The following DMD variants were observed in gnomAD, a reference collection of about 807,000 sequenced individuals.
DMD encodes the protein mutant dystrophin.
In DMD, 63 loss-of-function variants were observed where a neutral mutation model predicts 330.1. The observed-to-expected ratio is 0.19, with a 90% CI of 0.16 to 0.24. DMD has a LOEUF of 0.24. Ranked by LOEUF, DMD falls within the 10% of genes least tolerant of loss-of-function variation. The pLI, the probability that DMD is intolerant of heterozygous loss-of-function variation, is 1.00. For synonymous variants in DMD, 1,223 were observed against 959.8 expected, an observed-to-expected ratio of 1.27 and a Z score of -5.07; for missense variants, 3,344 against 2,684.1, an observed-to-expected ratio of 1.25 and a Z score of -5.43.
At chrX:33,096,520 T>A (rs1008505684) in intron 1 of DMD, among the ~76,000 whole-genome samples, 2 of 108,907 alleles carry the variant, frequency 1.8e-5, no homozygotes, top group African/African-American at 6.6e-5. Flanking sequence ...TTTTTATTTT[T>A]TTGAGACAGA....
chrX:32,782,594 A>G (rs1351780253), intron 7 of DMD, among the ~76,000 whole-genome samples: 1 of 111,560 alleles, frequency 9.0e-6, no homozygotes, highest in Non-Finnish European at 1.9e-5. Context: ...AACTTGAACT[A>G]TGGTGGTGGT....
At chrX:32,911,748 G>A (rs1462141197) in intron 2 of DMD, among the ~76,000 whole-genome samples, 3 of 111,520 alleles carry the variant, frequency 2.7e-5, no homozygotes, top group Non-Finnish European at 3.8e-5. Flanking sequence ...TTTTAAGTTC[G>A]TGAGAATTTA....
chrX:32,853,209 A>G (rs369408534), intron 2 of DMD, among the ~76,000 whole-genome samples: 3 of 112,276 alleles, frequency 2.7e-5, no homozygotes, highest in Admixed American at 9.5e-5. Context: ...AAGAAATGCT[A>G]AAGAGAATTT....
chrX:32,486,057 A>C (rs977520677), intron 20 of DMD, among the ~76,000 whole-genome samples: 5 of 109,757 alleles, frequency 4.6e-5, no homozygotes, highest in Admixed American at 3.0e-4. Flanking sequence ...CACTTTTTAA[A>C]TTACGGTGGC....
Position 32,408,684 on chromosome X carries a change from T to C in DMD, c.4233+3068A>G, listed in dbSNP as rs534151701. On this transcript the variant is annotated intron_variant, in intron 30 of 78. Coordinates refer to ENST00000357033, the MANE Select transcript of DMD (RefSeq NM_004006.3). ...TAATATGGTAACTTCATACATTTTT[T>C]CCTGCTTCTCCGTGATGAATTAAGC... 1.3e-4 allele frequency among the ~76,000 whole-genome samples: 14 copies of C among 111,907 alleles called. No homozygotes were observed. The South Asian group carries it at 4.8e-3, about 38-fold the overall frequency.
At chrX:31,954,237 AAATT>A (rs1336530114) in intron 45 of DMD, among the ~76,000 whole-genome samples, 1 of 111,835 alleles carries the variant, frequency 8.9e-6, no homozygotes, top group Non-Finnish European at 1.9e-5. Flanking sequence ...TTACATTTTA[AAATT>A]AATATAGGGA....
intron 29 of DMD, 76 bp from the exon 30 acceptor site, chrX:32,411,989 A>C (rs1476083852): frequency 4.2e-6 from 5 of 1,188,851 alleles, no homozygotes; most frequent in Non-Finnish European, 5.7e-6. Context: ...CTGAACAATA[A>C]ATGAAGATTC....
intron 51 of DMD, among the ~76,000 whole-genome samples, chrX:31,738,958 A>G (rs751318514): frequency 8.9e-6 from 1 of 111,859 alleles, no homozygotes; most frequent in African/African-American, 3.2e-5. Flanking sequence ...GGGGTGGTGT[A>G]GGTATAGTTA....
At chrX:33,301,176 G>A (rs1162469328) in intron 1 of DMD, among the ~76,000 whole-genome samples, 1 of 111,192 alleles carries the variant, frequency 9.0e-6, no homozygotes, top group Non-Finnish European at 1.9e-5. Context: ...TTAGGGAGAA[G>A]CATGAGTTTC....
chrX:32,920,659 G>A (rs1050812678), intron 2 of DMD, among the ~76,000 whole-genome samples: 8 of 111,751 alleles, frequency 7.2e-5, no homozygotes, highest in African/African-American at 2.6e-4. Context: ...TATTCCTTCC[G>A]CACATATTTG....
At chrX:31,381,277 A>G (rs2060164910) in intron 60 of DMD, among the ~76,000 whole-genome samples, 1 of 110,848 alleles carries the variant, frequency 9.0e-6, no homozygotes, top group African/African-American at 3.3e-5. Flanking sequence ...ATTCTTACAT[A>G]AGGACTGGGA....
chrX:31,895,285 G>A (rs958517772), intron 47 of DMD, among the ~76,000 whole-genome samples: 5 of 111,566 alleles, frequency 4.5e-5, no homozygotes, highest in Middle Eastern at 4.6e-3. Flanking sequence ...GCTATTCTGC[G>A]CAGCCCATTA....
At chrX:32,485,282 T>A (rs2042304585) in intron 20 of DMD, among the ~76,000 whole-genome samples, 183 bp from the exon 21 acceptor site, 2 of 111,762 alleles carry the variant, frequency 1.8e-5, no homozygotes, top group Non-Finnish European at 3.8e-5. Context: ...AAGGATACCT[T>A]GGCTCTTTGT....
chrX:32,976,898 A>G (rs5927117), intron 2 of DMD, among the ~76,000 whole-genome samples: 45,286 of 110,246 alleles, frequency 0.41, 6,755 homozygotes, highest in East Asian at 0.49. Flanking sequence ...CTCTTTGAGG[A>G]TAGTAATGGG....
At chrX:33,195,589 C>A (rs7890305) in intron 1 of DMD, among the ~76,000 whole-genome samples, 3,442 of 111,662 alleles carry the variant, frequency 0.031, 129 homozygotes, top group African/African-American at 0.11. Flanking sequence ...ACAAAGTACA[C>A]AGATAACCAA....
chrX:31,139,404 C>T (rs948145506), intron 76 of DMD, among the ~76,000 whole-genome samples: 13 of 109,685 alleles, frequency 1.2e-4, no homozygotes, highest in East Asian at 5.7e-4. Flanking sequence ...TGCAGAAATA[C>T]GGAACTAGCT....
At chrX:32,184,289 CATAAAA>C (rs1217425009) in intron 44 of DMD, among the ~76,000 whole-genome samples, 1 of 110,288 alleles carries the variant, frequency 9.1e-6, no homozygotes, top group African/African-American at 3.3e-5. Context: ...ATTTGATAAA[CATAAAA>C]ATAAAATTTT....
At chrX:31,996,614 CA>C (rs377634558) in intron 44 of DMD, among the ~76,000 whole-genome samples, 5 of 110,840 alleles carry the variant, frequency 4.5e-5, no homozygotes, top group African/African-American at 1.3e-4. Flanking sequence ...TAATTGAAAA[CA>C]AAAAAAGTGG....
chrX:31,342,360 G>C (rs1432013931), intron 61 of DMD, among the ~76,000 whole-genome samples: 1 of 112,143 alleles, frequency 8.9e-6, no homozygotes, highest in African/African-American at 3.2e-5. Context: ...ATAAAGTTTA[G>C]TGTGAAATTA....
Sources: gnomAD v4.1 joint callset for allele counts (sites outside exome capture counted in the v4.1 genomes callset) on GRCh38, gnomAD v4.1.1 for gene constraint, MANE v1.5 for transcripts, NCBI Gene and HGNC (gene_info 2026-07-23, HGNC 2026-07-21) for gene names.